The following SPOCK3 variants were observed in gnomAD, a reference collection of about 807,000 sequenced individuals.
SPOCK3 encodes testican-3.
A neutral mutation model predicts 56.6 loss-of-function variants in SPOCK3; 30 were observed. That is an observed-to-expected ratio of 0.53 (90% CI 0.40 to 0.72). The LOEUF is 0.72. Among genes scored for constraint, SPOCK3 ranks in the 30% least tolerant of loss-of-function variants. SPOCK3 has a pLI of 0.00. For missense variants in SPOCK3, 527 were observed against 530.0 expected, an observed-to-expected ratio of 0.99 and a Z score of 0.06; for synonymous variants, 196 against 183.3, an observed-to-expected ratio of 1.07 and a Z score of -0.56.
intron 6 of SPOCK3, among the ~76,000 whole-genome samples, chr4:166,809,639 T>C (rs931620169): frequency 2.0e-5 from 3 of 152,124 alleles, no homozygotes; most frequent in African/African-American, 7.2e-5. Flanking sequence ...TTGTTTTTGC[T>C]TCATCAATAC....
intron 2 of SPOCK3, among the ~76,000 whole-genome samples, chr4:167,186,208 C>G (rs1731940061): frequency 6.6e-6 from 1 of 151,916 alleles, no homozygotes. Context: ...AACTAGAAAC[C>G]TAAGTGCAAA....
intron 4 of SPOCK3, among the ~76,000 whole-genome samples, chr4:166,940,617 A>C (rs1190287086): frequency 6.6e-6 from 1 of 151,118 alleles, no homozygotes; most frequent in Non-Finnish European, 1.5e-5. Context: ...ATAATAAAAA[A>C]CCCCTAGGAA....
intron 3 of SPOCK3, among the ~76,000 whole-genome samples, chr4:167,060,452 A>T (rs1755470556): frequency 6.6e-6 from 1 of 152,008 alleles, no homozygotes. Context: ...TATTTTGCTC[A>T]CTCCTCAGTG....
chr4:167,052,094 T>C (rs1160085438), intron 3 of SPOCK3, among the ~76,000 whole-genome samples: 1 of 152,178 alleles, frequency 6.6e-6, no homozygotes, highest in East Asian at 1.9e-4. Context: ...TTACACAGTA[T>C]TTATTATTTT....
intron 4 of SPOCK3, among the ~76,000 whole-genome samples, chr4:166,915,778 C>G (rs1403379997): frequency 6.6e-6 from 1 of 152,104 alleles, no homozygotes; most frequent in South Asian, 2.1e-4. Flanking sequence ...GCACATTATT[C>G]TGAATATTCT....
chr4:167,177,746 T>C (rs1210718178), intron 2 of SPOCK3, among the ~76,000 whole-genome samples: 1 of 152,182 alleles, frequency 6.6e-6, no homozygotes, highest in African/African-American at 2.4e-5. Flanking sequence ...TTATCTGCAC[T>C]TAGTCAACAT....
chr4:166,776,199 G>A (rs977765551), intron 7 of SPOCK3, among the ~76,000 whole-genome samples: 3 of 152,216 alleles, frequency 2.0e-5, no homozygotes, highest in South Asian at 2.1e-4. Context: ...TGGACCAGGA[G>A]GTCAGGAGAT....
At chr4:166,891,704 G>T (rs1050855145) in intron 5 of SPOCK3, among the ~76,000 whole-genome samples, 28 of 151,908 alleles carry the variant, frequency 1.8e-4, no homozygotes, top group African/African-American at 6.5e-4. Context: ...AAAGCCAAAT[G>T]AATTATAACT....
intron 2 of SPOCK3, among the ~76,000 whole-genome samples, chr4:167,115,783 G>C (rs537140092): frequency 1.3e-5 from 2 of 151,870 alleles, no homozygotes; most frequent in African/African-American, 4.8e-5. Context: ...CAGAAGACAG[G>C]GGAAAGTTGT....
intron 2 of SPOCK3, among the ~76,000 whole-genome samples, chr4:167,172,960 C>T (rs750063472): frequency 1.3e-5 from 2 of 151,982 alleles, no homozygotes; most frequent in Non-Finnish European, 2.9e-5. Context: ...ATAAATCCTC[C>T]TCTTATTTCT....
intron 3 of SPOCK3, among the ~76,000 whole-genome samples, chr4:167,058,937 T>C (rs1216497882): frequency 1.3e-5 from 2 of 152,308 alleles, no homozygotes; most frequent in South Asian, 2.1e-4. Context: ...CTGGGAAAAC[T>C]GGCCAGCCAT....
At chr4:167,110,819 C>T (rs1283531202) in intron 2 of SPOCK3, among the ~76,000 whole-genome samples, 1 of 151,826 alleles carries the variant, frequency 6.6e-6, no homozygotes, top group Admixed American at 6.6e-5. Flanking sequence ...AGATTAGTAA[C>T]CACTAGTGAA....
intron 3 of SPOCK3, among the ~76,000 whole-genome samples, chr4:167,001,376 G>T (rs1250442707): frequency 6.6e-6 from 1 of 152,104 alleles, no homozygotes; most frequent in Non-Finnish European, 1.5e-5. Flanking sequence ...TAAATTGAAT[G>T]TTAAAATTTG....
At chr4:166,823,882 C>T (rs1745187003) in intron 6 of SPOCK3, among the ~76,000 whole-genome samples, 2 of 152,098 alleles carry the variant, frequency 1.3e-5, no homozygotes, top group Non-Finnish European at 2.9e-5. Context: ...TAGAAAATAG[C>T]CTAAGCAAGC....
At chr4:167,028,223 C>T (rs1751899732) in intron 3 of SPOCK3, among the ~76,000 whole-genome samples, 1 of 133,122 alleles carries the variant, frequency 7.5e-6, no homozygotes, top group Non-Finnish European at 1.6e-5. Flanking sequence ...CCTGTCTTTA[C>T]ATTTTTTTTT....
chr4:167,064,292 G>A (rs1755892804), intron 2 of SPOCK3, among the ~76,000 whole-genome samples: 1 of 151,420 alleles, frequency 6.6e-6, no homozygotes, highest in Non-Finnish European at 1.5e-5. Flanking sequence ...TAAGAGGAGG[G>A]CAAATTATAG....
chr4:167,094,420 C>T (rs568473586), intron 2 of SPOCK3, among the ~76,000 whole-genome samples: 4 of 151,520 alleles, frequency 2.6e-5, no homozygotes, highest in African/African-American at 7.3e-5. Flanking sequence ...AAGTATATAC[C>T]CTGGCAAAAT....
intron 2 of SPOCK3, among the ~76,000 whole-genome samples, chr4:167,120,371 T>A (rs532767954): frequency 6.6e-6 from 1 of 152,058 alleles, no homozygotes; most frequent in Non-Finnish European, 1.5e-5. Context: ...ATAGTAAGGT[T>A]GTAGAAATTT....
intron 2 of SPOCK3, among the ~76,000 whole-genome samples, chr4:167,202,782 C>CT (rs930392626): frequency 6.6e-6 from 1 of 151,132 alleles, no homozygotes; most frequent in African/African-American, 2.4e-5. Context: ...ATGGAGATTG[C>CT]TTTTTTTCCC....
Sources: allele counts gnomAD v4.1 joint callset (sites outside exome capture counted in the v4.1 genomes callset), GRCh38; gene constraint gnomAD v4.1.1; transcripts MANE v1.5; gene names NCBI Gene and HGNC (gene_info 2026-07-23, HGNC 2026-07-21).